NCKAP1: variants seen among roughly 807,000 people sequenced by gnomAD.
The protein encoded by NCKAP1 is NCK associated protein 1.
A neutral mutation model predicts 151.2 loss-of-function variants in NCKAP1; 21 were observed. The observed-to-expected ratio is 0.14, with a 90% CI of 0.10 to 0.20. The LOEUF (loss-of-function observed/expected upper bound fraction) is 0.20. Ranked by LOEUF, NCKAP1 falls within the 10% of genes least tolerant of loss-of-function variation. The probability of loss-of-function intolerance (pLI) is 1.00; values close to 1 mark genes in which losing one functional copy is unlikely to be tolerated. For synonymous variants in NCKAP1, 484 were observed against 451.8 expected (o/e 1.07, Z -0.90); for missense variants, 933 against 1,352.1 (o/e 0.69, Z 4.86).
chr2:182,982,700 C>T, intron 12 of NCKAP1, 121 bp downstream of exon 12: 1 of 647,938 alleles, frequency 1.5e-6, no homozygotes, highest in Non-Finnish European at 2.6e-6. Flanking sequence ...AATAGGTGTA[C>T]TAAATGAATT....
chr2:182,983,442 A>G, intron 10 of NCKAP1, 60 bp from the exon 11 acceptor site: 2 of 1,258,642 alleles, frequency 1.6e-6, no homozygotes, highest in South Asian at 1.3e-5. Context: ...ATTGGCAATT[A>G]AAGTAACTAG....
At chr2:183,021,824 A>C (rs1698803196) in intron 2 of NCKAP1, among the ~76,000 whole-genome samples, 1 of 152,176 alleles carries the variant, frequency 6.6e-6, no homozygotes, top group Admixed American at 6.5e-5. Flanking sequence ...ATGGGCACAA[A>C]GTTTCTTTGG....
chr2:182,946,434 A>G (rs150361741), intron 23 of NCKAP1, among the ~76,000 whole-genome samples: 1 of 152,044 alleles, frequency 6.6e-6, no homozygotes, highest in Admixed American at 6.6e-5. Context: ...ACCAGGGCCT[A>G]CTTGAAGGTA....
At chr2:183,029,250 C>T (rs560567775) in intron 1 of NCKAP1, among the ~76,000 whole-genome samples, 4 of 152,066 alleles carry the variant, frequency 2.6e-5, no homozygotes, top group Non-Finnish European at 5.9e-5. Flanking sequence ...ATATATTATC[C>T]GGGCCACAAA....
At chr2:182,960,736 T>A (rs1289132652) in intron 18 of NCKAP1, among the ~76,000 whole-genome samples, 2 of 152,034 alleles carry the variant, frequency 1.3e-5, no homozygotes, top group Non-Finnish European at 2.9e-5. Context: ...ACAAATGGGA[T>A]CTAATTAAAC....
intron 1 of NCKAP1, chr2:183,025,033 T>G: frequency 6.3e-7 from 1 of 1,597,074 alleles, no homozygotes; most frequent in South Asian, 1.1e-5. Flanking sequence ...GAAAATTACG[T>G]GTAAACAATG....
At chr2:183,010,191 C>T (rs1698565667) in intron 2 of NCKAP1, among the ~76,000 whole-genome samples, 1 of 152,204 alleles carries the variant, frequency 6.6e-6, no homozygotes, top group Admixed American at 6.5e-5. Flanking sequence ...CCACCCTTCC[C>T]ATCTTGGCTG....
Position 182,956,601 on chromosome 2 carries a change from AAATT to A in NCKAP1, c.2022-12_2022-9del, listed in dbSNP as rs1697332705. The A allele has an allele frequency of 1.9e-6, 3 of 1,595,436 alleles. No homozygotes were observed. Among genetic ancestry groups the A allele is most frequent in the Non-Finnish European group, 2.6e-6 (3 of 1,173,954 alleles). On this transcript the variant is annotated splice_polypyrimidine_tract_variant and intron_variant, in intron 19 of 30. Transcript: ENST00000361354. ...GTGTGCAATTTATCAAGGCTGAAAA[AAATT>A]AATAAACAGTTAAAATGTTCACATG...
chr2:182,986,108 CA>C (rs1405123435), intron 10 of NCKAP1, 62 bp downstream of exon 10: 1 of 1,487,366 alleles, frequency 6.7e-7, no homozygotes, highest in Non-Finnish European at 9.3e-7. Flanking sequence ...CTCACTTCAA[CA>C]AAATGATGCT....
At chr2:182,988,921 C>A in intron 9 of NCKAP1, 109 bp downstream of exon 9, 2 of 899,486 alleles carry the variant, frequency 2.2e-6, no homozygotes. Flanking sequence ...ATGGTATAGG[C>A]TGTATCTTCC....
rs996292379 is a variant in NCKAP1, at chr2:183,024,928, G to A, written c.109-1012C>T. 1.1e-5 allele frequency: 18 copies of A among 1,601,532 alleles called. No homozygotes were observed. The Admixed American group carries it at 1.2e-4, about 10-fold the overall frequency. ...AAGAGAAGTTATGAAACATGAAACT[G>A]ATCTGAAAGCGGGCAAGCGGGCAGA... On this transcript the variant is annotated intron_variant, in intron 1 of 30. Coordinates refer to ENST00000361354, the MANE Select transcript of NCKAP1 (RefSeq NM_013436.5).
chr2:182,992,109 T>C lies in NCKAP1; in HGVS notation c.790+2730A>G, dbSNP rs532614171. Among the ~76,000 whole-genome samples the C allele has an allele frequency of 1.3e-4, 20 of 152,308 alleles. 1 individual carries two copies. In the South Asian group the frequency reaches 3.3e-3, roughly 25 times the overall value. The stretch of plus-strand genomic sequence containing the variant: ...ACCAAGATTCTGCACATCTAAGAAG[T>C]TCCTAGGTGTTGCTGATGTTGCTGG... On this transcript the variant is annotated intron_variant, in intron 8 of 30. Transcript: ENST00000361354.
chr2:182,993,133 TGG>T (rs1698200888), intron 8 of NCKAP1, among the ~76,000 whole-genome samples: 1 of 152,200 alleles, frequency 6.6e-6, no homozygotes, highest in Non-Finnish European at 1.5e-5. Flanking sequence ...TTATATAAAA[TGG>T]TGTAGTATTT....
Position 182,977,015 on chromosome 2 carries a change from C to A in NCKAP1, c.1424-64G>T, listed in dbSNP as rs1181831858. 1.3e-5 allele frequency: 15 copies of A among 1,168,718 alleles called. No homozygotes were observed. In the African/African-American group the frequency reaches 1.9e-4, roughly 15 times the overall value. The allele number at this position is 1,168,718 out of a possible 1,614,324, so 72.4% of individuals were successfully genotyped here. ...TTAATGTTTTCACAATCTATAAGCA[C>A]ATTTTAAATTTTAAGAGCTAAGACA... On this transcript the variant is annotated intron_variant, in intron 14 of 30. Transcript: ENST00000361354.
intron 1 of NCKAP1, among the ~76,000 whole-genome samples, chr2:183,029,658 A>G (rs185467574): frequency 1.3e-5 from 2 of 151,906 alleles, no homozygotes; most frequent in Non-Finnish European, 1.5e-5. Flanking sequence ...TGTCTCTACA[A>G]AATGTTTAAA....
At chr2:182,996,339 G>A (rs757543303) in intron 6 of NCKAP1, among the ~76,000 whole-genome samples, 34 of 152,110 alleles carry the variant, frequency 2.2e-4, no homozygotes, top group Non-Finnish European at 4.4e-4. Flanking sequence ...CTTTATCAAC[G>A]GGTTTGTTGA....
intron 1 of NCKAP1, among the ~76,000 whole-genome samples, chr2:183,028,693 T>C (rs1698946093): frequency 6.6e-6 from 1 of 152,012 alleles, no homozygotes; most frequent in East Asian, 1.9e-4. Flanking sequence ...ACACATAAAC[T>C]GTTTATTTAG....
intron 23 of NCKAP1, 25 bp downstream of exon 23, chr2:182,952,380 C>A: frequency 6.9e-7 from 1 of 1,456,638 alleles, no homozygotes; most frequent in Non-Finnish European, 9.4e-7. Flanking sequence ...TGTTTAAAAG[C>A]TAAAATTAAT....
At chr2:182,972,241 A>G (rs867990950) in intron 15 of NCKAP1, among the ~76,000 whole-genome samples, 1 of 151,254 alleles carries the variant, frequency 6.6e-6, no homozygotes, top group Admixed American at 6.6e-5. Flanking sequence ...AAAAAAAAAA[A>G]AAAACAAAAC....
Sources: allele counts gnomAD v4.1 joint callset (sites outside exome capture counted in the v4.1 genomes callset), GRCh38; gene constraint gnomAD v4.1.1; transcripts MANE v1.5; gene names NCBI Gene and HGNC (gene_info 2026-07-23, HGNC 2026-07-21).